The following ZBTB20 variants were observed in gnomAD, a reference collection of about 807,000 sequenced individuals.
ZBTB20 encodes the protein zinc finger and BTB domain containing 20, also known as zinc finger and BTB domain-containing protein 20.
In ZBTB20, 9 loss-of-function variants were observed where a neutral mutation model predicts 56.9. The observed-to-expected ratio is 0.16, with a 90% CI of 0.10 to 0.28. The LOEUF (loss-of-function observed/expected upper bound fraction) is 0.28. Ranked by LOEUF, ZBTB20 falls within the 10% of genes least tolerant of loss-of-function variation. The probability of loss-of-function intolerance (pLI) is 1.00; values close to 1 mark genes in which losing one functional copy is unlikely to be tolerated. For missense variants in ZBTB20, 655 were observed against 1,003.0 expected (o/e 0.65, Z 4.69); for synonymous variants, 417 against 420.7 (o/e 0.99, Z 0.11).
chr3:114,971,928 C>T (rs1292303595), intron 3 of ZBTB20, among the ~76,000 whole-genome samples: 2 of 152,186 alleles, frequency 1.3e-5, no homozygotes, highest in Non-Finnish European at 2.9e-5. Context: ...AGGAAAGACA[C>T]AAAAACAATA....
intron 2 of ZBTB20, among the ~76,000 whole-genome samples, chr3:115,041,001 G>A (rs1019565619): frequency 1.3e-5 from 2 of 152,048 alleles, no homozygotes; most frequent in Non-Finnish European, 2.9e-5. Context: ...TAGACTGATT[G>A]GCATGAAGTA....
intron 5 of ZBTB20, among the ~76,000 whole-genome samples, chr3:114,735,724 A>AATTGTAT (rs1181045567): frequency 1.3e-5 from 2 of 152,184 alleles, no homozygotes; most frequent in East Asian, 1.9e-4. Context: ...TGTTTATAAT[A>AATTGTAT]ATTGTATAAC....
chr3:114,789,616 G>A (rs2070794411), intron 5 of ZBTB20, among the ~76,000 whole-genome samples: 1 of 152,122 alleles, frequency 6.6e-6, no homozygotes, highest in East Asian at 1.9e-4. Context: ...ATACTGAGAT[G>A]AAGGGAAGAG....
At chr3:114,675,344 CG>C (rs2061571644) in intron 6 of ZBTB20, among the ~76,000 whole-genome samples, 1 of 87,376 alleles carries the variant, frequency 1.1e-5, no homozygotes, top group Non-Finnish European at 2.2e-5. Flanking sequence ...TTTGCTGGGC[CG>C]GGGGTGGGGA....
chr3:114,551,241 A>G (rs2050540100), intron 6 of ZBTB20, among the ~76,000 whole-genome samples: 1 of 152,202 alleles, frequency 6.6e-6, no homozygotes, highest in South Asian at 2.1e-4. Context: ...ATTCTGGAAA[A>G]AAATTCCTGT....
intron 5 of ZBTB20, among the ~76,000 whole-genome samples, chr3:114,749,278 G>A (rs1413588848): frequency 6.6e-6 from 1 of 152,126 alleles, no homozygotes; most frequent in Non-Finnish European, 1.5e-5. Context: ...TGGCAGCTGG[G>A]TGCGGTGGCT....
intron 2 of ZBTB20, among the ~76,000 whole-genome samples, chr3:115,007,276 T>A (rs1576547984): frequency 6.6e-6 from 1 of 151,792 alleles, no homozygotes; most frequent in East Asian, 2.0e-4. Context: ...GTCCTCTATA[T>A]ATTTTATCAC....
At chr3:114,591,437 A>G (rs548263917) in intron 6 of ZBTB20, among the ~76,000 whole-genome samples, 6 of 152,346 alleles carry the variant, frequency 3.9e-5, no homozygotes, top group African/African-American at 1.4e-4. Flanking sequence ...GACATTTACC[A>G]AACCATCACG....
At chr3:114,452,476 G>C (rs1231260568) in intron 7 of ZBTB20, among the ~76,000 whole-genome samples, 1 of 152,122 alleles carries the variant, frequency 6.6e-6, no homozygotes, top group Admixed American at 6.6e-5. Context: ...CCTAGTACTT[G>C]TTTTTTATCT....
At chr3:114,671,308 C>G (rs1224894704) in intron 6 of ZBTB20, among the ~76,000 whole-genome samples, 1 of 152,048 alleles carries the variant, frequency 6.6e-6, no homozygotes, top group South Asian at 2.1e-4. Context: ...CCTCAGGGAC[C>G]TTCACTTGCG....
chr3:115,028,505 C>T (rs1048735239), intron 2 of ZBTB20, among the ~76,000 whole-genome samples: 1 of 150,470 alleles, frequency 6.6e-6, no homozygotes, highest in Non-Finnish European at 1.5e-5. Context: ...TTTCTTTTTA[C>T]TTTTTAAAAA....
chr3:114,790,240 T>A (rs901247285), intron 5 of ZBTB20, among the ~76,000 whole-genome samples: 1 of 152,174 alleles, frequency 6.6e-6, no homozygotes. Flanking sequence ...ATTTGCAAAC[T>A]TCTTTAATAA....
chr3:114,402,108 T>C (rs2086874449), intron 7 of ZBTB20, among the ~76,000 whole-genome samples: 1 of 152,204 alleles, frequency 6.6e-6, no homozygotes, highest in African/African-American at 2.4e-5. Context: ...AAAAACTTTC[T>C]TTTCTCTTTT....
At chr3:115,064,094 T>C (rs1025384526) in intron 2 of ZBTB20, among the ~76,000 whole-genome samples, 2 of 152,192 alleles carry the variant, frequency 1.3e-5, no homozygotes, top group Non-Finnish European at 2.9e-5. Flanking sequence ...AAGAATCCTA[T>C]TCTAATTCTT....
chr3:114,552,999 T>C (rs1474782546), intron 6 of ZBTB20, among the ~76,000 whole-genome samples: 2 of 152,240 alleles, frequency 1.3e-5, no homozygotes, highest in Non-Finnish European at 2.9e-5. Context: ...GTCCTCAATA[T>C]AGCTTCACAA....
intron 5 of ZBTB20, among the ~76,000 whole-genome samples, chr3:114,782,056 T>C (rs979791882): frequency 9.2e-5 from 14 of 152,154 alleles, no homozygotes; most frequent in Non-Finnish European, 1.9e-4. Context: ...GCAGGATGCA[T>C]ACATCTTCTG....
At chr3:115,091,752 C>G (rs2083202702) in intron 1 of ZBTB20, among the ~76,000 whole-genome samples, 1 of 149,514 alleles carries the variant, frequency 6.7e-6, no homozygotes, top group Non-Finnish European at 1.5e-5. Context: ...ATGTTATAAA[C>G]CAGCTAGACA....
At chr3:114,393,693 G>A (rs1263364688) in intron 7 of ZBTB20, among the ~76,000 whole-genome samples, 2 of 152,076 alleles carry the variant, frequency 1.3e-5, no homozygotes, top group Non-Finnish European at 2.9e-5. Flanking sequence ...CAGTGTACTC[G>A]GTTTTTAAGT....
chr3:114,962,269 G>A (rs2077482089), intron 3 of ZBTB20, among the ~76,000 whole-genome samples: 1 of 151,958 alleles, frequency 6.6e-6, no homozygotes. Flanking sequence ...AACCTAAACT[G>A]TGGTTTAATA....
Sources: allele counts gnomAD v4.1 joint callset (sites outside exome capture counted in the v4.1 genomes callset), GRCh38; gene constraint gnomAD v4.1.1; transcripts MANE v1.5; gene names NCBI Gene and HGNC (gene_info 2026-07-23, HGNC 2026-07-21).